The following DPYD variants were observed in gnomAD, a reference collection of about 807,000 sequenced individuals.
DPYD encodes dihydropyrimidine dehydrogenase.
In DPYD, 109 loss-of-function variants were observed where a neutral mutation model predicts 116.2. That is an observed-to-expected ratio of 0.94 (90% CI 0.80 to 1.10). The LOEUF (loss-of-function observed/expected upper bound fraction) is 1.10, where lower values mean the gene tolerates loss of function less well. DPYD is among the 50% of genes least tolerant of loss of function. The probability of loss-of-function intolerance (pLI) is 0.00; values close to 1 mark genes in which losing one functional copy is unlikely to be tolerated. For missense variants in DPYD, 1,302 were observed against 1,254.5 expected, an observed-to-expected ratio of 1.04 and a Z score of -0.57; for synonymous variants, 440 against 432.0, an observed-to-expected ratio of 1.02 and a Z score of -0.23.
intron 14 of DPYD, among the ~76,000 whole-genome samples, chr1:97,446,744 A>AT (rs1676107165): frequency 6.6e-6 from 1 of 152,048 alleles, no homozygotes; most frequent in East Asian, 1.9e-4. Flanking sequence ...GTTAAAAAAA[A>AT]TTTTCCCCGG....
chr1:97,613,204 G>C (rs1479503994), intron 8 of DPYD, among the ~76,000 whole-genome samples: 1 of 151,658 alleles, frequency 6.6e-6, no homozygotes, highest in Non-Finnish European at 1.5e-5. Context: ...ATCTAAATTT[G>C]TTTAAATCAT....
intron 20 of DPYD, among the ~76,000 whole-genome samples, chr1:97,114,443 A>T (rs1341120176): frequency 6.6e-6 from 1 of 152,146 alleles, no homozygotes; most frequent in Non-Finnish European, 1.5e-5. Flanking sequence ...TCCTTCAAAG[A>T]AACTCAGGAT....
chr1:97,854,933 G>GA (rs1044169211), intron 2 of DPYD: 3 of 152,214 alleles, frequency 2.0e-5, no homozygotes, highest in Non-Finnish European at 4.4e-5. Context: ...TCCCAACAGA[G>GA]AACCCATGAA....
intron 3 of DPYD, among the ~76,000 whole-genome samples, chr1:97,747,686 T>A (rs1269581476): frequency 1.3e-5 from 2 of 152,316 alleles, no homozygotes; most frequent in East Asian, 3.9e-4. Context: ...ACCCAGACTT[T>A]CGTGTATACT....
At chr1:97,281,353 A>G (rs1052979426) in intron 18 of DPYD, among the ~76,000 whole-genome samples, 3 of 151,898 alleles carry the variant, frequency 2.0e-5, no homozygotes, top group Admixed American at 1.3e-4. Flanking sequence ...AGATCACAAG[A>G]GATAAAGAGT....
At chr1:97,346,410 T>C (rs1454128704) in intron 16 of DPYD, among the ~76,000 whole-genome samples, 2 of 151,926 alleles carry the variant, frequency 1.3e-5, no homozygotes, top group Non-Finnish European at 2.9e-5. Flanking sequence ...ATATTCTAAA[T>C]ATCACTCTTC....
At chr1:97,487,886 T>C (rs1678738759) in intron 13 of DPYD, among the ~76,000 whole-genome samples, 1 of 152,218 alleles carries the variant, frequency 6.6e-6, no homozygotes, top group Non-Finnish European at 1.5e-5. Context: ...AAATTAAACA[T>C]ATAGTTACCA....
At chr1:97,648,218 T>C (rs770910388) in intron 8 of DPYD, among the ~76,000 whole-genome samples, 1 of 151,998 alleles carries the variant, frequency 6.6e-6, no homozygotes, top group Non-Finnish European at 1.5e-5. Context: ...TGAGACTAAA[T>C]ATGGATTCAA....
chr1:97,085,371 C>T (rs80344467), intron 21 of DPYD, among the ~76,000 whole-genome samples: 21,497 of 152,168 alleles, frequency 0.14, 1,666 homozygotes, highest in Non-Finnish European at 0.17. Flanking sequence ...TTAAATATGC[C>T]TTTTCCTCTA....
intron 12 of DPYD, among the ~76,000 whole-genome samples, chr1:97,524,626 G>A (rs1648919880): frequency 1.3e-5 from 2 of 152,142 alleles, no homozygotes; most frequent in African/African-American, 2.4e-5. Context: ...TTCAGTTACT[G>A]AGCATCCAGG....
intron 10 of DPYD, among the ~76,000 whole-genome samples, chr1:97,580,620 C>T (rs1203548266): frequency 6.6e-6 from 1 of 152,126 alleles, no homozygotes; most frequent in African/African-American, 2.4e-5. Flanking sequence ...GTTTCTGAAC[C>T]TTTTCCTAAG....
chr1:97,197,397 A>T (rs1658891314), intron 19 of DPYD, among the ~76,000 whole-genome samples: 1 of 152,196 alleles, frequency 6.6e-6, no homozygotes, highest in African/African-American at 2.4e-5. Flanking sequence ...TATAGTCTTA[A>T]AATAGTTCAC....
intron 15 of DPYD, among the ~76,000 whole-genome samples, chr1:97,381,474 G>C (rs1671960680): frequency 6.6e-6 from 1 of 152,090 alleles, no homozygotes; most frequent in South Asian, 2.1e-4. Context: ...TGGTCAATTA[G>C]GTAAATACAT....
intron 18 of DPYD, among the ~76,000 whole-genome samples, chr1:97,303,611 A>G (rs1477923024): frequency 1.3e-5 from 2 of 152,048 alleles, no homozygotes; most frequent in African/African-American, 4.8e-5. Flanking sequence ...TATTACTTTT[A>G]AACTTAAGCA....
At chr1:97,759,018 G>C (rs182489349) in intron 3 of DPYD, among the ~76,000 whole-genome samples, 1 of 152,208 alleles carries the variant, frequency 6.6e-6, no homozygotes, top group Admixed American at 6.5e-5. Context: ...CAAAGTGTTG[G>C]GGCAAGCAGC....
chr1:97,578,853 C>T (rs888454272), intron 10 of DPYD, among the ~76,000 whole-genome samples: 2 of 151,890 alleles, frequency 1.3e-5, no homozygotes, highest in African/African-American at 4.8e-5. Flanking sequence ...ATACTGTAAA[C>T]GAGTTAATAG....
intron 18 of DPYD, among the ~76,000 whole-genome samples, chr1:97,288,399 C>T (rs1448229551): frequency 4.6e-5 from 7 of 151,768 alleles, no homozygotes; most frequent in Non-Finnish European, 1.0e-4. Flanking sequence ...TTCAGCACCA[C>T]ACCACACCTA....
intron 18 of DPYD, among the ~76,000 whole-genome samples, chr1:97,299,369 G>A (rs1265624135): frequency 6.6e-6 from 1 of 151,970 alleles, no homozygotes; most frequent in Non-Finnish European, 1.5e-5. Context: ...AGAGTTCTTT[G>A]GTTTACAAAG....
At chr1:97,079,724 C>A (rs573563848) in intron 22 of DPYD, among the ~76,000 whole-genome samples, 1 of 152,266 alleles carries the variant, frequency 6.6e-6, no homozygotes, top group South Asian at 2.1e-4. Flanking sequence ...AGGGGAAAAA[C>A]ACTGAATGGA....
Sources: allele counts gnomAD v4.1 joint callset (sites outside exome capture counted in the v4.1 genomes callset), GRCh38; gene constraint gnomAD v4.1.1; transcripts MANE v1.5; gene names NCBI Gene and HGNC (gene_info 2026-07-23, HGNC 2026-07-21).